Variants in GNG4 observed in about 807,000 individuals in gnomAD.
GNG4 encodes the protein guanine nucleotide-binding protein G(I)/G(S)/G(O) subunit gamma-4.
GNG4 carries 4 observed loss-of-function variants against 5.8 expected under a neutral mutation model. That is an observed-to-expected ratio of 0.69 (90% CI 0.34 to 1.57). The LOEUF is 1.57. GNG4 is among the 40% of genes most tolerant of loss of function. The pLI is 0.06. For synonymous variants in GNG4, 29 were observed against 32.9 expected, an observed-to-expected ratio of 0.88 and a Z score of 0.41; for missense variants, 96 against 95.1, an observed-to-expected ratio of 1.01 and a Z score of -0.04.
rs528974897 is a variant in GNG4, at chr1:235,590,536, A to C, written c.-11+4864T>G. On this transcript the variant is annotated intron_variant, in intron 2 of 3. Transcript: ENST00000391854. The stretch of plus-strand genomic sequence containing the variant: ...TAAAGGAAGAGATTCTAATGTAAGG[A>C]TGAAAAGCCGTCTTTCGGGAGCACT... 3.9e-5 allele frequency among the ~76,000 whole-genome samples: 6 copies of C among 152,290 alleles called. No individual in the cohort carries two copies. The South Asian group carries it at 1.2e-3, about 32-fold the overall frequency.
intron 1 of GNG4, among the ~76,000 whole-genome samples, chr1:235,630,766 C>T (rs73122530): frequency 0.028 from 4,311 of 152,280 alleles, 209 homozygotes; most frequent in African/African-American, 0.095. Flanking sequence ...AGAAAATAAT[C>T]AATTGGGTGG....
At chr1:235,633,051 C>T (rs558685911) in intron 1 of GNG4, among the ~76,000 whole-genome samples, 17 of 151,952 alleles carry the variant, frequency 1.1e-4, no homozygotes, top group Admixed American at 6.6e-4. Context: ...TGCTCAAGTA[C>T]GCCATGCATG....
rs1235994535 is a variant in GNG4, at chr1:235,642,261, G to A, written c.-123+7401C>T. Among the ~76,000 whole-genome samples, 1 of 152,218 alleles carries A rather than the reference G, an allele frequency of 6.6e-6. No homozygotes were observed. The highest frequency in any genetic ancestry group is 2.4e-5 in the African/African-American group (1 of 41,450). ...GCAGGTGTCGCGGGTAAGCTGCCGC[G>A]GTTACTGTGAAGCAGGGCCAAGGCC... On this transcript the variant is annotated intron_variant, in intron 1 of 3. Coordinates refer to ENST00000391854, the MANE Select transcript of GNG4 (RefSeq NM_001098722.2). This position sits in a 1 kb window ranked among gnomAD's most constrained non-coding sequence, Gnocchi z 4.3.
intron 3 of GNG4, among the ~76,000 whole-genome samples, chr1:235,571,585 T>C (rs1687346255): frequency 6.6e-6 from 1 of 152,146 alleles, no homozygotes; most frequent in Admixed American, 6.5e-5. Context: ...AAAATATAAA[T>C]TGGTATCCCT....
At position 235,549,888 on chromosome 1, in the gene GNG4, A is replaced by T. The variant is rs1359635609; in HGVS notation, c.*2221T>A. On this transcript the variant is annotated 3_prime_UTR_variant, in exon 4 of 4. Coordinates refer to ENST00000391854, the MANE Select transcript of GNG4 (RefSeq NM_001098722.2). ...GGCATTTAGTACATTTATTTGTTTTAAATGATAATCAGAGCTTTCATCTAT... is the reference window on the plus strand; with the variant it reads ...GGCATTTAGTACATTTATTTGTTTTTAATGATAATCAGAGCTTTCATCTAT... 1.3e-5 allele frequency: 2 copies of T among 152,216 alleles called. No individual in the cohort carries two copies. The highest frequency in any genetic ancestry group is 4.1e-4 in the South Asian group (2 of 4,830). 9.4% of individuals were successfully genotyped at this position (152,216 alleles called of 1,614,324 possible). A position where few individuals can be genotyped will look rare whatever the true frequency, so the allele number is the denominator to read the frequency against.
At chr1:235,643,317 G>C (rs988090317) in intron 1 of GNG4, among the ~76,000 whole-genome samples, 1 of 152,152 alleles carries the variant, frequency 6.6e-6, no homozygotes, top group Admixed American at 6.5e-5. Flanking sequence ...TGTCTGGCTT[G>C]AAAAACCTGC....
chr1:235,548,116 T>C lies in GNG4; in HGVS notation c.*3993A>G, dbSNP rs942254280. On this transcript the variant is annotated 3_prime_UTR_variant, in exon 4 of 4. Transcript: ENST00000391854. ...GGTGCTTTCCTGTTCGGGGTTATTATGGAGAGTGTTTTTGTGAAGATTTAG... is the reference window on the plus strand; with the variant it reads ...GGTGCTTTCCTGTTCGGGGTTATTACGGAGAGTGTTTTTGTGAAGATTTAG... The C allele has an allele frequency of 6.6e-6, 1 of 152,182 alleles. No homozygotes were observed. The highest frequency in any genetic ancestry group is 1.5e-5 in the Non-Finnish European group (1 of 68,066). 9.4% of individuals were successfully genotyped at this position (152,182 alleles called of 1,614,324 possible). A position where few individuals can be genotyped will look rare whatever the true frequency, so the allele number is the denominator to read the frequency against.
chr1:235,565,519 A>G (rs1687172538), intron 3 of GNG4, among the ~76,000 whole-genome samples: 1 of 152,126 alleles, frequency 6.6e-6, no homozygotes, highest in African/African-American at 2.4e-5. Flanking sequence ...AAAAACAAAC[A>G]AACAAGCAAC....
chr1:235,572,887 C>T (rs561941938), intron 3 of GNG4, among the ~76,000 whole-genome samples: 45 of 152,230 alleles, frequency 3.0e-4, no homozygotes, highest in African/African-American at 8.4e-4. Context: ...TAGTGCCTGA[C>T]AGTATATATC....
chr1:235,573,871 T>C (rs189756703), intron 3 of GNG4, among the ~76,000 whole-genome samples: 146 of 152,128 alleles, frequency 9.6e-4, no homozygotes, highest in Non-Finnish European at 1.5e-3. Context: ...CGGGGGAAAA[T>C]AGATATTAAA....
intron 3 of GNG4, chr1:235,565,847 G>A (rs1332657659): frequency 6.6e-6 from 1 of 152,162 alleles, no homozygotes; most frequent in African/African-American, 2.4e-5. Flanking sequence ...CAGCCTCACA[G>A]GTGACCTAGT....
intron 1 of GNG4, among the ~76,000 whole-genome samples, chr1:235,627,262 T>C (rs1688835712): frequency 6.6e-6 from 1 of 151,948 alleles, no homozygotes; most frequent in Admixed American, 6.6e-5. Context: ...TCGCTCTGTC[T>C]CCCAGGCTGG....
chr1:235,606,587 G>C (rs1488662698), intron 1 of GNG4, among the ~76,000 whole-genome samples: 1 of 152,146 alleles, frequency 6.6e-6, no homozygotes, highest in Non-Finnish European at 1.5e-5. Flanking sequence ...CGCACGCTTA[G>C]GAAAAGAGCA....
chr1:235,583,655 ACT>A (rs993507801), intron 3 of GNG4, 83 bp downstream of exon 3: 1 of 838,690 alleles, frequency 1.2e-6, no homozygotes, highest in Non-Finnish European at 2.0e-6. Flanking sequence ...TGACGTGTTA[ACT>A]CTCACAAGTC....
rs368277028 is a variant in GNG4 at position 235,584,374 on chromosome 1, A to T, written c.-10-526T>A. On this transcript the variant is annotated intron_variant, in intron 2 of 3. Transcript: ENST00000391854. ...ACTCAAACTCAAAGCTTTGAAGCCTAGCCGAGTGTCTCAAATGGCCTCTCC... is the reference window on the plus strand; with the variant it reads ...ACTCAAACTCAAAGCTTTGAAGCCTTGCCGAGTGTCTCAAATGGCCTCTCC... 1.3e-4 allele frequency among the ~76,000 whole-genome samples: 20 copies of T among 152,370 alleles called. No homozygotes were observed. The South Asian group carries it at 4.1e-3, about 32-fold the overall frequency.
Position 235,648,765 on chromosome 1 carries a change from G to A in GNG4, c.-123+897C>T, listed in dbSNP as rs1032493210. Among the ~76,000 whole-genome samples, 1 of 152,240 alleles carries A rather than the reference G, an allele frequency of 6.6e-6. No homozygotes were observed. The highest frequency in any genetic ancestry group is 1.5e-5 in the Non-Finnish European group (1 of 68,050). On this transcript the variant is annotated intron_variant, in intron 1 of 3. Transcript: ENST00000391854. The surrounding 1 kb of genome is among the most constrained non-coding windows in gnomAD (Gnocchi z 5.0). ...TGCCAGCATTTGACAGTCCTGGGAG[G>A]CGACGGGTAGAGGAGAGACGCGGCA... is the stretch of plus-strand genomic sequence containing the variant.
At chr1:235,621,004 C>A (rs1427807890) in intron 1 of GNG4, among the ~76,000 whole-genome samples, 1 of 152,138 alleles carries the variant, frequency 6.6e-6, no homozygotes, top group Admixed American at 6.5e-5. Flanking sequence ...TAAGCCAGCA[C>A]CAGGTGTCTG....
At chr1:235,568,793 C>CTTTTTTTTT (rs10625498) in intron 3 of GNG4, among the ~76,000 whole-genome samples, 1 of 144,576 alleles carries the variant, frequency 6.9e-6, no homozygotes. Flanking sequence ...TTTTTCTTTC[C>CTTTTTTTTT]TTTTTTTTTT....
At position 235,648,775 on chromosome 1, in the gene GNG4, G is replaced by A. The variant is rs1657580829; in HGVS notation, c.-123+887C>T. On this transcript the variant is annotated intron_variant, in intron 1 of 3. Transcript: ENST00000391854. This position sits in a 1 kb window ranked among gnomAD's most constrained non-coding sequence, Gnocchi z 5.0. Reference sequence around the variant, plus strand: ...TGACAGTCCTGGGAGGCGACGGGTAGAGGAGAGACGCGGCAGCCGCGGGGC... The same window carrying A: ...TGACAGTCCTGGGAGGCGACGGGTAAAGGAGAGACGCGGCAGCCGCGGGGC... 1.3e-5 allele frequency among the ~76,000 whole-genome samples: 2 copies of A among 152,262 alleles called. No homozygotes were observed. The highest frequency in any genetic ancestry group is 1.3e-4 in the Admixed American group (2 of 15,294).
Sources: allele counts gnomAD v4.1 joint callset (sites outside exome capture counted in the v4.1 genomes callset), GRCh38; gene constraint gnomAD v4.1.1; non-coding constraint Gnocchi (gnomAD v3.1); transcripts MANE v1.5; gene names NCBI Gene and HGNC (gene_info 2026-07-23, HGNC 2026-07-21).